The following RXRA variants were observed in gnomAD, a reference collection of about 807,000 sequenced individuals.
RXRA encodes retinoic acid receptor RXR-alpha.
RXRA carries 5 observed loss-of-function variants against 44.5 expected under a neutral mutation model. The ratio of observed to expected loss-of-function variants is 0.11; its 90% CI spans 0.06 to 0.24. RXRA has a LOEUF of 0.24. RXRA is among the 10% of genes least tolerant of loss of function. The pLI is 1.00. For missense variants in RXRA, 412 were observed against 646.5 expected, an observed-to-expected ratio of 0.64 and a Z score of 3.93; for synonymous variants, 291 against 271.4, an observed-to-expected ratio of 1.07 and a Z score of -0.71.
intron 1 of RXRA, among the ~76,000 whole-genome samples, chr9:134,337,401 G>T (rs553200372): frequency 6.6e-6 from 1 of 152,214 alleles, no homozygotes; most frequent in South Asian, 2.1e-4. Flanking sequence ...GCCCTCAAGC[G>T]GGCAGTAGTG....
intron 1 of RXRA, among the ~76,000 whole-genome samples, chr9:134,328,789 C>T (rs1398992747): frequency 1.3e-5 from 2 of 152,122 alleles, no homozygotes; most frequent in Non-Finnish European, 2.9e-5. Context: ...CCACCCCTTA[C>T]AGCTGCCCAG....
chr9:134,435,453 C>A (rs1209710979), intron 9 of RXRA, among the ~76,000 whole-genome samples: 2 of 141,170 alleles, frequency 1.4e-5, no homozygotes, highest in Non-Finnish European at 3.1e-5. Flanking sequence ...GCCCTGAGGA[C>A]CAACCCGTGC....
chr9:134,339,909 G>T (rs996826896), intron 1 of RXRA, among the ~76,000 whole-genome samples: 1 of 152,078 alleles, frequency 6.6e-6, no homozygotes, highest in Non-Finnish European at 1.5e-5. Context: ...GTGTGTCTGT[G>T]TGTGAACCTG....
chr9:134,348,942 C>T (rs1564264717), intron 1 of RXRA, among the ~76,000 whole-genome samples: 1 of 152,232 alleles, frequency 6.6e-6, no homozygotes, highest in African/African-American at 2.4e-5. Flanking sequence ...CTCTGTACCA[C>T]CTGAGTGCCA....
At chr9:134,367,757 G>A (rs763521478) in intron 1 of RXRA, among the ~76,000 whole-genome samples, 19 of 152,204 alleles carry the variant, frequency 1.2e-4, no homozygotes, top group Admixed American at 6.5e-5. Context: ...CGGGTGGGGG[G>A]TGCCGGGGTG....
chr9:134,331,540 T>C (rs4917349), intron 1 of RXRA, among the ~76,000 whole-genome samples: 58,431 of 152,132 alleles, frequency 0.38, 12,696 homozygotes, highest in African/African-American at 0.59. Flanking sequence ...CCAAGGATCA[T>C]GGTGCTCCCT....
At position 134,343,773 on chromosome 9, in the gene RXRA, G is replaced by T. The variant is rs1369287629; in HGVS notation, c.28+17114G>T. ...AGCCGGGCGCGGCACTGAGCTGAGG[G>T]AGCCTGCGTTCTTCCTTCAAGCAGA... On this transcript the variant is annotated intron_variant, in intron 1 of 9. Transcript: ENST00000481739. This position sits in a 1 kb window ranked among gnomAD's most constrained non-coding sequence, Gnocchi z 4.1. Among the ~76,000 whole-genome samples, 1 of 152,130 alleles carries T rather than the reference G, an allele frequency of 6.6e-6. No individual in the cohort carries two copies. The highest frequency in any genetic ancestry group is 1.5e-5 in the Non-Finnish European group (1 of 68,012).
chr9:134,436,227 C>T (rs560901211), intron 9 of RXRA, among the ~76,000 whole-genome samples: 5 of 152,254 alleles, frequency 3.3e-5, no homozygotes, highest in African/African-American at 9.6e-5. Flanking sequence ...CCTTCATCTC[C>T]GTCCTCAGAC....
At position 134,401,804 on chromosome 9, in the gene RXRA, C is replaced by T. The variant is rs1011311047; in HGVS notation, c.201C>T (p.Val67=). 1.2e-6 allele frequency: 2 copies of T among 1,612,946 alleles called. No homozygotes were observed. Among genetic ancestry groups the T allele is most frequent in the African/African-American group, 2.7e-5 (2 of 74,924 alleles). Residue 67 remains valine (V), a synonymous_variant, in exon 2 of 10, where the codon GTC becomes GTT. Coordinates refer to ENST00000481739, the MANE Select transcript of RXRA (RefSeq NM_002957.6). ...ACGGCATGGGCCCGCCTTTCTCGGT[C>T]ATCAGCTCCCCCATGGGCCCCCACT... is the stretch of plus-strand genomic sequence containing the variant. ...PINGMGPPFS[V]ISSPMGPHSM...
At chr9:134,410,912 A>C (rs1831137993) in intron 4 of RXRA, among the ~76,000 whole-genome samples, 1 of 152,144 alleles carries the variant, frequency 6.6e-6, no homozygotes, top group Non-Finnish European at 1.5e-5. Context: ...TTTGAAAGTG[A>C]TCATCAGATA....
chr9:134,398,563 C>T (rs1038712501), intron 1 of RXRA, among the ~76,000 whole-genome samples: 3 of 152,100 alleles, frequency 2.0e-5, no homozygotes, highest in African/African-American at 7.2e-5. Context: ...GGGCTGGGAG[C>T]AGGGCCCAGG....
chr9:134,429,359 G>C, intron 7 of RXRA, 119 bp downstream of exon 7: 2 of 1,054,248 alleles, frequency 1.9e-6, no homozygotes, highest in Non-Finnish European at 2.7e-6. Context: ...GTGCATGAAG[G>C]GTGCACACAT....
At chr9:134,414,670 C>T (rs972582694) in intron 4 of RXRA, among the ~76,000 whole-genome samples, 2 of 152,248 alleles carry the variant, frequency 1.3e-5, no homozygotes, top group African/African-American at 4.8e-5. Flanking sequence ...TCAGCTTCCC[C>T]ACTGGGAAGA....
At chr9:134,339,136 G>A (rs1554747744) in intron 1 of RXRA, among the ~76,000 whole-genome samples, 1 of 152,228 alleles carries the variant, frequency 6.6e-6, no homozygotes, top group African/African-American at 2.4e-5. Flanking sequence ...TGGGCTCAGG[G>A]CCCTGCCTCC....
intron 1 of RXRA, among the ~76,000 whole-genome samples, chr9:134,388,751 T>C (rs1490476101): frequency 6.6e-6 from 1 of 151,904 alleles, no homozygotes; most frequent in Admixed American, 6.5e-5. Context: ...GGGAGGGGAG[T>C]CATCCTTCGA....
Position 134,342,979 on chromosome 9 carries a change from C to T in RXRA, c.28+16320C>T, listed in dbSNP as rs190087980. Among the ~76,000 whole-genome samples, 14 of 152,294 alleles carry T rather than the reference C, an allele frequency of 9.2e-5. No individual in the cohort carries two copies. The East Asian group carries it at 2.7e-3, about 29-fold the overall frequency. ...TTGATTAGAGGCCAGGAAACCCAAT[C>T]CCGCAGCCTAGGCAGTGGGGGGACC... On this transcript the variant is annotated intron_variant, in intron 1 of 9. Transcript: ENST00000481739. The surrounding 1 kb of genome is among the most constrained non-coding windows in gnomAD (Gnocchi z 4.4).
At chr9:134,422,130 C>T (rs1831347397) in intron 6 of RXRA, 4 of 1,317,750 alleles carry the variant, frequency 3.0e-6, no homozygotes, top group Non-Finnish European at 4.0e-6. Context: ...CGGGACACTC[C>T]CCACTCCTGG....
intron 1 of RXRA, among the ~76,000 whole-genome samples, chr9:134,384,102 A>C (rs1242812801): frequency 6.6e-6 from 1 of 151,198 alleles, no homozygotes; most frequent in Non-Finnish European, 1.5e-5. Context: ...TGGACTCTCC[A>C]CACTGTCACC....
Position 134,433,662 on chromosome 9 carries a change from G to C in RXRA, c.1136-440G>C, listed in dbSNP as rs34484722. Among the ~76,000 whole-genome samples, 1 of 152,124 alleles carries C rather than the reference G, an allele frequency of 6.6e-6. No individual in the cohort carries two copies. Among genetic ancestry groups the C allele is most frequent in the Non-Finnish European group, 1.5e-5 (1 of 68,018 alleles). ...GCAAGCACACCGAGGATGGGTTTCCGCAGGGTCTGGGTACTCCTGGGGGCA... is the reference window on the plus strand; with the variant it reads ...GCAAGCACACCGAGGATGGGTTTCCCCAGGGTCTGGGTACTCCTGGGGGCA... On this transcript the variant is annotated intron_variant, in intron 8 of 9. Transcript: ENST00000481739. This position sits in a 1 kb window ranked among gnomAD's most constrained non-coding sequence, Gnocchi z 4.2.
Sources: gnomAD v4.1 joint callset for allele counts (sites outside exome capture counted in the v4.1 genomes callset) on GRCh38, gnomAD v4.1.1 for gene constraint, Gnocchi (gnomAD v3.1) non-coding constraint, MANE v1.5 for transcripts, NCBI Gene and HGNC (gene_info 2026-07-23, HGNC 2026-07-21) for gene names.